Variants in A2M observed in about 807,000 individuals in gnomAD.
The protein encoded by A2M is alpha-2-macroglobulin.
Under a neutral mutation model 183.9 loss-of-function variants are expected in A2M, and 128 were observed. The ratio of observed to expected loss-of-function variants is 0.70; its 90% confidence interval spans 0.60 to 0.81. A2M has a LOEUF of 0.81. Ranked by LOEUF, A2M falls within the 30% of genes least tolerant of loss-of-function variation. The pLI is 0.00. For missense variants in A2M, 1,495 were observed against 1,787.6 expected (o/e 0.84, Z 2.95); for synonymous variants, 592 against 670.8 (o/e 0.88, Z 1.81).
At position 9,101,576 on chromosome 12, in the gene A2M, G is replaced by T. The variant is rs763922658; in HGVS notation, c.1365C>A (p.Ser455Arg). ...HHTAYLVFSPSKSFVHLEPMS... is the reference protein window; with the variant it reads ...HHTAYLVFSPRKSFVHLEPMS... ...TGGGCTCAAGGTGGACAAAGCTCTT[G>T]CTTGGGGAGAACACAAGATAAGCAG... The change falls in exon 12 of 36, where the codon AGC (serine) becomes AGA (arginine). Residue 455 changes from serine to arginine, a missense_variant. By Grantham distance (110) the Ser-to-Arg change is moderately radical. Coordinates refer to ENST00000318602, the MANE Select transcript of A2M (RefSeq NM_000014.6). 1.1e-5 allele frequency: 18 copies of T among 1,613,890 alleles called. No homozygotes were observed. In the African/African-American group the frequency reaches 2.0e-4, roughly 18 times the overall value.
chr12:9,114,832 T>C lies in A2M; in HGVS notation c.86+932A>G, dbSNP rs572329117. Among the ~76,000 whole-genome samples, 4 of 152,282 alleles carry C rather than the reference T, an allele frequency of 2.6e-5. No individual in the cohort carries two copies. In the South Asian group the frequency reaches 8.3e-4, roughly 32 times the overall value. On this transcript the variant is annotated intron_variant, in intron 1 of 35. Transcript: ENST00000318602. The stretch of plus-strand genomic sequence containing the variant: ...AAATTTATAAATATTAAACATTTCC[T>C]TCTGACTGAGCTATGTTCAAAAATA...
In A2M at chr12:9,068,811, G is replaced by A. The variant is rs201115819; in HGVS notation, c.4295C>T (p.Thr1432Met). Reference sequence around the variant, plus strand: ...TCTTACTGGGACATCTTGCAGAACCGTGAAGAACAAGCTCAGTGTCTGATT... The same window carrying A: ...TCTTACTGGGACATCTTGCAGAACCATGAAGAACAAGCTCAGTGTCTGATT... ...VSNQTLSLFF[T>M]VLQDVPVRDL... Residue 1432 changes from threonine (T) to methionine (M), a missense_variant, in exon 34 of 36, where the codon ACG becomes ATG. Physicochemically the swap from Thr to Met is moderately conservative, Grantham distance 81. Coordinates refer to ENST00000318602, the MANE Select transcript of A2M (RefSeq NM_000014.6). 6.8e-6 allele frequency: 11 copies of A among 1,606,802 alleles called. No homozygotes were observed. Among genetic ancestry groups the A allele is most frequent in the East Asian group, 2.2e-5 (1 of 44,798 alleles).
intron 22 of A2M, among the ~76,000 whole-genome samples, chr12:9,085,921 T>G (rs897335580): frequency 7.2e-5 from 11 of 152,136 alleles, no homozygotes; most frequent in Non-Finnish European, 1.6e-4. Flanking sequence ...CCTAGACATA[T>G]ACATACTACC....
At chr12:9,068,923 T>C (rs1190628316) in intron 33 of A2M, 81 bp from the exon 34 acceptor site, 4 of 1,024,366 alleles carry the variant, frequency 3.9e-6, no homozygotes, top group Non-Finnish European at 5.7e-6. Context: ...CACCTGTTTT[T>C]TGGGGGAAAA....
intron 1 of A2M, among the ~76,000 whole-genome samples, chr12:9,114,159 T>A (rs1938949611): frequency 6.6e-6 from 1 of 152,220 alleles, no homozygotes; most frequent in South Asian, 2.1e-4. Context: ...AATATTTGCC[T>A]TTCAGCTCAT....
At chr12:9,098,840 G>T in intron 14 of A2M, 84 bp from the exon 15 acceptor site, 1 of 1,488,660 alleles carries the variant, frequency 6.7e-7, no homozygotes, top group Non-Finnish European at 9.1e-7. Context: ...TGTTCCTCAT[G>T]TACAATGTAT....
Position 9,083,253 on chromosome 12 carries a change from TG to T in A2M, c.2771-3077del, listed in dbSNP as rs1948959955. On this transcript the variant is annotated intron_variant, in intron 22 of 35. Transcript: ENST00000318602. The stretch of plus-strand genomic sequence containing the variant: ...CGGGGCCTGTTGTGGGGTGAGGGGA[TG>T]GGGGAGGGATAGCATTAGGAGATAT... Among the ~76,000 whole-genome samples the T allele has an allele frequency of 2.0e-5, 3 of 151,070 alleles. No individual in the cohort carries two copies. The South Asian group carries it at 6.3e-4, about 32-fold the overall frequency.
chr12:9,089,237 C>T lies in A2M; in HGVS notation c.2733G>A (p.Glu911=), dbSNP rs937089080. 1.9e-6 allele frequency: 3 copies of T among 1,588,362 alleles called. No individual in the cohort carries two copies. The highest frequency in any genetic ancestry group is 2.3e-5 in the East Asian group (1 of 44,350). ...GTAGGGAGTTGAATGTTGTTTCCTT[C>T]TCTAGTCCTTCAGGCTTTAGGTAAA... ...KPLLVEPEGL[E]KETTFNSLLC... Residue 911 remains glutamate, a synonymous_variant, in exon 22 of 36, where the codon GAG becomes GAA. Transcript: ENST00000318602.
chr12:9,083,322 T>C (rs1948962344), intron 22 of A2M, among the ~76,000 whole-genome samples: 1 of 151,674 alleles, frequency 6.6e-6, no homozygotes, highest in South Asian at 2.1e-4. Flanking sequence ...CACACCAACA[T>C]GGCACATGTA....
At chr12:9,068,662 A>C in intron 34 of A2M, 78 bp downstream of exon 34, 20 of 1,137,422 alleles carry the variant, frequency 1.8e-5, no homozygotes, top group Non-Finnish European at 2.3e-5. Context: ...TGTAATAAAT[A>C]ACCCCAACAC....
chr12:9,076,632 A>T (rs1948754565), intron 28 of A2M, 124 bp downstream of exon 28: 1 of 834,990 alleles, frequency 1.2e-6, no homozygotes. Flanking sequence ...TGGACAAAAT[A>T]TATATGATAT....
chr12:9,077,541 T>A, intron 26 of A2M, 121 bp from the exon 27 acceptor site: 1 of 1,453,098 alleles, frequency 6.9e-7, no homozygotes, highest in Non-Finnish European at 9.4e-7. Context: ...TAGGGCAAAG[T>A]ATCACAATCA....
chr12:9,091,904 T>C (rs907234364), intron 18 of A2M, among the ~76,000 whole-genome samples: 1 of 152,196 alleles, frequency 6.6e-6, no homozygotes, highest in Non-Finnish European at 1.5e-5. Context: ...TTGCACAAAA[T>C]TTTTTAGCTC....
chr12:9,072,236 T>C, intron 31 of A2M, 123 bp downstream of exon 31: 1 of 1,129,294 alleles, frequency 8.9e-7, no homozygotes, highest in Non-Finnish European at 1.3e-6. Flanking sequence ...CTTAAGAGAA[T>C]ACATTGCATT....
chr12:9,101,002 A>T (rs1291501350), intron 13 of A2M, 142 bp downstream of exon 13: 3 of 732,940 alleles, frequency 4.1e-6, no homozygotes, highest in Non-Finnish European at 4.4e-6. Flanking sequence ...ACTACCAAAG[A>T]ATTTATTCAT....
chr12:9,103,576 T>C (rs1408383209), intron 11 of A2M, among the ~76,000 whole-genome samples: 1 of 152,184 alleles, frequency 6.6e-6, no homozygotes, highest in African/African-American at 2.4e-5. Flanking sequence ...ATTTCTCTCT[T>C]TCCCTAGCCC....
At chr12:9,085,164 C>T (rs1949017754) in intron 22 of A2M, among the ~76,000 whole-genome samples, 2 of 152,072 alleles carry the variant, frequency 1.3e-5, no homozygotes, top group African/African-American at 4.8e-5. Flanking sequence ...TTGACCAACA[C>T]TTTAGATCAA....
Position 9,077,854 on chromosome 12 carries a change from G to T in A2M, c.3123C>A (p.Leu1041=). 1.9e-6 allele frequency: 3 copies of T among 1,614,118 alleles called. No individual in the cohort carries two copies. The highest frequency in any genetic ancestry group is 2.5e-6 in the Non-Finnish European group (3 of 1,179,992). ...CAAAAGTCTTCAGAACAAAGGCTGT[G>T]AGCCTGACCAGGGAGGAAGCAATCA... ...RYGRNQGNTW[L]TAFVLKTFAQ... Residue 1041 remains leucine (L), a synonymous_variant, in exon 26 of 36, where the codon CTC becomes CTA. Transcript: ENST00000318602.
chr12:9,082,045 C>G (rs1041075184), intron 22 of A2M, among the ~76,000 whole-genome samples: 1 of 152,148 alleles, frequency 6.6e-6, no homozygotes, highest in African/African-American at 2.4e-5. Flanking sequence ...TGCCAGTGAC[C>G]CCACCCAGGT....
Sources: gnomAD v4.1 joint callset for allele counts (sites outside exome capture counted in the v4.1 genomes callset) on GRCh38, gnomAD v4.1.1 for gene constraint, MANE v1.5 for transcripts, NCBI Gene and HGNC (gene_info 2026-07-23, HGNC 2026-07-21) for gene names.